ERCC8: variants seen among roughly 807,000 people sequenced by gnomAD.
ERCC8 encodes ERCC excision repair 8, CSA ubiquitin ligase complex subunit.
Under a neutral mutation model 54.9 loss-of-function variants are expected in ERCC8, and 52 were observed. The observed-to-expected ratio is 0.95, with a 90% CI of 0.76 to 1.19. The LOEUF is 1.19. Ranked by LOEUF, ERCC8 falls within the 50% of genes most tolerant of loss-of-function variation. ERCC8 has a pLI of 0.00. For missense variants in ERCC8, 514 were observed against 466.1 expected, an observed-to-expected ratio of 1.10 and a Z score of -0.95; for synonymous variants, 146 against 157.2, an observed-to-expected ratio of 0.93 and a Z score of 0.53.
rs1334902822 is a variant in ERCC8 at position 60,871,092 on chromosome 5, G to A, written c.*3523C>T. Among the ~76,000 whole-genome samples the A allele has an allele frequency of 5.9e-5, 9 of 151,988 alleles. No individual in the cohort carries two copies. The highest frequency in any genetic ancestry group is 1.5e-5 in the Non-Finnish European group (1 of 68,008). On this transcript the variant is annotated 3_prime_UTR_variant, in exon 12 of 12. Coordinates refer to ENST00000676185, the MANE Select transcript of ERCC8 (RefSeq NM_000082.4). ...CTACAACCCAAAAATCGTATACCCAGCTAAACTATCATTTCAGAGGGGAAA... is the reference window on the plus strand; with the variant it reads ...CTACAACCCAAAAATCGTATACCCAACTAAACTATCATTTCAGAGGGGAAA...
At chr5:60,902,545 T>C (rs771315801) in intron 6 of ERCC8, 37 bp from the exon 7 acceptor site, 2 of 1,555,790 alleles carry the variant, frequency 1.3e-6, no homozygotes, top group East Asian at 2.2e-5. Context: ...TTGCAAGATA[T>C]CTGAAAAATC....
chr5:60,935,029 T>C, intron 1 of ERCC8, among the ~76,000 whole-genome samples: 1 of 152,116 alleles, frequency 6.6e-6, no homozygotes, highest in East Asian at 1.9e-4. Context: ...TTTTGCTTAG[T>C]CTTGTTTTGG....
intron 1 of ERCC8, among the ~76,000 whole-genome samples, chr5:60,931,769 T>C (rs1413580005): frequency 6.6e-6 from 1 of 152,210 alleles, no homozygotes; most frequent in African/African-American, 2.4e-5. Context: ...ACAGAATATA[T>C]GCTCTTTGTA....
At chr5:60,878,352 C>A (rs1374186076) in intron 11 of ERCC8, among the ~76,000 whole-genome samples, 1 of 152,088 alleles carries the variant, frequency 6.6e-6, no homozygotes, top group Non-Finnish European at 1.5e-5. Context: ...TGTGTCTCTG[C>A]CAGGCTTTGG....
chr5:60,874,694 A>G lies in ERCC8; in HGVS notation c.1123-11T>C. ...TGATTTTGTTGTAGTCTAAAAAAAAAAAAGATAAAGAAAAAGGAAGATTCT... is the reference window on the plus strand; with the variant it reads ...TGATTTTGTTGTAGTCTAAAAAAAAGAAAGATAAAGAAAAAGGAAGATTCT... On this transcript the variant is annotated splice_polypyrimidine_tract_variant and intron_variant, in intron 11 of 11. Transcript: ENST00000676185. 6.3e-7 allele frequency: 1 copy of G among 1,597,160 alleles called. No individual in the cohort carries two copies. The highest frequency in any genetic ancestry group is 1.4e-5 in the African/African-American group (1 of 73,898).
intron 4 of ERCC8, among the ~76,000 whole-genome samples, chr5:60,905,194 G>A (rs1262222527): frequency 6.6e-6 from 1 of 152,124 alleles, no homozygotes; most frequent in Non-Finnish European, 1.5e-5. Context: ...GGATGATGTA[G>A]CCAGCACTGC....
rs1412540687 is a variant in ERCC8, at chr5:60,901,947, T to A, written c.617+495A>T. ...ACCTCTATTAAAGCATTTTTCTGGATGCCCTGTAATCACTGATTTTTGACT... is the reference window on the plus strand; with the variant it reads ...ACCTCTATTAAAGCATTTTTCTGGAAGCCCTGTAATCACTGATTTTTGACT... On this transcript the variant is annotated intron_variant, in intron 7 of 11. Coordinates refer to ENST00000676185, the MANE Select transcript of ERCC8 (RefSeq NM_000082.4). 2.0e-5 allele frequency among the ~76,000 whole-genome samples: 3 copies of A among 151,976 alleles called. No individual in the cohort carries two copies. The East Asian group carries it at 5.8e-4, about 29-fold the overall frequency.
At chr5:60,878,298 T>A (rs960691894) in intron 11 of ERCC8, among the ~76,000 whole-genome samples, 1 of 152,250 alleles carries the variant, frequency 6.6e-6, no homozygotes, top group Admixed American at 6.5e-5. Context: ...GATTTTTGCA[T>A]TGATGCTCAT....
At chr5:60,892,113 G>A in intron 9 of ERCC8, 1 of 522,898 alleles carries the variant, frequency 1.9e-6, no homozygotes, top group Non-Finnish European at 3.9e-6. Context: ...CTGGGCAGCA[G>A]TCCACTGGGC....
intron 4 of ERCC8, chr5:60,909,710 T>A (rs1479638625): frequency 6.6e-6 from 1 of 152,444 alleles, no homozygotes; most frequent in African/African-American, 2.4e-5. Flanking sequence ...TCCCAACACT[T>A]TGAGAGGCCG....
At chr5:60,898,774 A>G (rs1748790628) in intron 8 of ERCC8, among the ~76,000 whole-genome samples, 1 of 130,620 alleles carries the variant, frequency 7.7e-6, no homozygotes. Flanking sequence ...ATTAAAATCA[A>G]TAATTCTAGT....
Position 60,874,694 on chromosome 5 carries a change from A to C in ERCC8, c.1123-11T>G. The C allele has an allele frequency of 6.3e-7, 1 of 1,597,160 alleles. No individual in the cohort carries two copies. The highest frequency in any genetic ancestry group is 2.2e-5 in the East Asian group (1 of 44,788). On this transcript the variant is annotated splice_polypyrimidine_tract_variant and intron_variant, in intron 11 of 11. Transcript: ENST00000676185. ...TGATTTTGTTGTAGTCTAAAAAAAA[A>C]AAAGATAAAGAAAAAGGAAGATTCT...
At position 60,873,569 on chromosome 5, in the gene ERCC8, C is replaced by A. The variant is rs1347511511; in HGVS notation, c.*1046G>T. On this transcript the variant is annotated 3_prime_UTR_variant, in exon 12 of 12. Transcript: ENST00000676185. ...GCGGGAGCCTGTAATCCCAGCTACT[C>A]AGGAGGCTTAGGCAGGAGAATTGCT... Among the ~76,000 whole-genome samples, 4 of 152,094 alleles carry A rather than the reference C, an allele frequency of 2.6e-5. No individual in the cohort carries two copies. Among genetic ancestry groups the A allele is most frequent in the Non-Finnish European group, 5.9e-5 (4 of 68,010 alleles).
intron 9 of ERCC8, chr5:60,893,760 G>A (rs73112254): frequency 0.025 from 8,779 of 347,008 alleles, 705 homozygotes; most frequent in African/African-American, 0.17. Flanking sequence ...GAGGGGGCGG[G>A]GCTTCTCCCT....
At chr5:60,878,249 G>T (rs1026370302) in intron 11 of ERCC8, among the ~76,000 whole-genome samples, 1 of 152,194 alleles carries the variant, frequency 6.6e-6, no homozygotes, top group African/African-American at 2.4e-5. Flanking sequence ...TAAGCTTTTT[G>T]ATGTGCTGCT....
chr5:60,931,929 A>G (rs563230640), intron 1 of ERCC8, among the ~76,000 whole-genome samples: 28 of 152,020 alleles, frequency 1.8e-4, no homozygotes, highest in African/African-American at 6.5e-4. Context: ...TATGTAACCA[A>G]TCTCCCATCT....
At chr5:60,900,319 A>T (rs1748838479) in intron 7 of ERCC8, among the ~76,000 whole-genome samples, 1 of 151,960 alleles carries the variant, frequency 6.6e-6, no homozygotes, top group Admixed American at 6.6e-5. Context: ...CTTTCAAGTA[A>T]GCAAAAAGAA....
In ERCC8 at chr5:60,870,891, A is replaced by G. The variant is rs760371803; in HGVS notation, c.*3724T>C. Among the ~76,000 whole-genome samples the G allele has an allele frequency of 6.6e-6, 1 of 152,188 alleles. No homozygotes were observed. Among genetic ancestry groups the G allele is most frequent in the Non-Finnish European group, 1.5e-5 (1 of 68,018 alleles). ...GACATCAGATTTCTTGACGAGATTA[A>G]GAAACTGTAAGTTTTTACTTTTTTC... On this transcript the variant is annotated 3_prime_UTR_variant, in exon 12 of 12. Coordinates refer to ENST00000676185, the MANE Select transcript of ERCC8 (RefSeq NM_000082.4).
At chr5:60,896,279 C>T (rs2120956) in intron 9 of ERCC8, among the ~76,000 whole-genome samples, 58,890 of 150,696 alleles carry the variant, frequency 0.39, 12,399 homozygotes, top group East Asian at 0.8. Context: ...TGCAATGGCG[C>T]GATCTCGGCT....
Sources: gnomAD v4.1 joint callset for allele counts (sites outside exome capture counted in the v4.1 genomes callset) on GRCh38, gnomAD v4.1.1 for gene constraint, MANE v1.5 for transcripts, NCBI Gene and HGNC (gene_info 2026-07-23, HGNC 2026-07-21) for gene names.